VEGFD: variants seen among roughly 807,000 people sequenced by gnomAD.
VEGFD encodes vascular endothelial growth factor D, also known as c-fos induced growth factor (vascular endothelial growth factor D).
Under a neutral mutation model 28.0 loss-of-function variants are expected in VEGFD, and 26 were observed. The observed-to-expected ratio is 0.93, with a 90% CI of 0.68 to 1.29. The LOEUF is 1.29. Among genes scored for constraint, VEGFD ranks in the 50% most tolerant of loss-of-function variants. The probability of loss-of-function intolerance (pLI) is 0.00; values close to 1 mark genes in which losing one functional copy is unlikely to be tolerated. For missense variants in VEGFD, 294 were observed against 273.4 expected, an observed-to-expected ratio of 1.08 and a Z score of -0.53; for synonymous variants, 93 against 95.5, an observed-to-expected ratio of 0.97 and a Z score of 0.15.
chrX:15,366,138 C>T (rs1923140367), intron 1 of VEGFD, among the ~76,000 whole-genome samples: 1 of 110,996 alleles, frequency 9.0e-6, no homozygotes, highest in Admixed American at 9.5e-5. Flanking sequence ...TCCTGAGTAG[C>T]TGGGACTACA....
chrX:15,369,242 C>T (rs1422901572), intron 1 of VEGFD, among the ~76,000 whole-genome samples: 2 of 111,184 alleles, frequency 1.8e-5, no homozygotes, highest in Non-Finnish European at 3.8e-5. Flanking sequence ...CTACCAATTT[C>T]ATCTCTCAAT....
chrX:15,373,116 A>T (rs1923352012), intron 1 of VEGFD, among the ~76,000 whole-genome samples: 1 of 112,322 alleles, frequency 8.9e-6, no homozygotes. Flanking sequence ...TCAACAAAAA[A>T]GTACAAATTA....
At chrX:15,372,057 G>A (rs982455928) in intron 1 of VEGFD, among the ~76,000 whole-genome samples, 1 of 111,824 alleles carries the variant, frequency 8.9e-6, no homozygotes, top group African/African-American at 3.2e-5. Context: ...GAAATTGTGA[G>A]ATTGATGCTT....
At chrX:15,372,397 A>G (rs1479745879) in intron 1 of VEGFD, among the ~76,000 whole-genome samples, 1 of 111,065 alleles carries the variant, frequency 9.0e-6, no homozygotes, top group African/African-American at 3.3e-5. Context: ...CAATACATGT[A>G]TAACTTGTAG....
chrX:15,381,884 T>A (rs994231027), intron 1 of VEGFD, among the ~76,000 whole-genome samples: 43 of 113,867 alleles, frequency 3.8e-4, no homozygotes, highest in Non-Finnish European at 6.9e-4. Context: ...TGAAAAAAAA[T>A]TGCTAATCGT....
At chrX:15,372,525 C>A (rs982913084) in intron 1 of VEGFD, among the ~76,000 whole-genome samples, 1 of 111,045 alleles carries the variant, frequency 9.0e-6, no homozygotes, top group Non-Finnish European at 1.9e-5. Flanking sequence ...AATACTGATG[C>A]TCGAATCTTA....
chrX:15,373,879 C>G (rs1222411272), intron 1 of VEGFD, among the ~76,000 whole-genome samples: 1 of 111,241 alleles, frequency 9.0e-6, no homozygotes, highest in Non-Finnish European at 1.9e-5. Flanking sequence ...TTTTGGGGTC[C>G]AAGTAGCAAT....
chrX:15,365,861 A>G (rs1719394189), intron 1 of VEGFD, among the ~76,000 whole-genome samples: 1 of 110,287 alleles, frequency 9.1e-6, no homozygotes, highest in African/African-American at 3.3e-5. Flanking sequence ...CCAATCACCA[A>G]CTCTCCAATT....
At chrX:15,366,782 T>C (rs1434976615) in intron 1 of VEGFD, among the ~76,000 whole-genome samples, 1 of 112,271 alleles carries the variant, frequency 8.9e-6, no homozygotes, top group African/African-American at 3.2e-5. Flanking sequence ...AAAGAGCCGA[T>C]TTCCAACTGA....
intron 1 of VEGFD, among the ~76,000 whole-genome samples, chrX:15,369,007 T>G (rs1210936110): frequency 1.8e-5 from 2 of 112,092 alleles, no homozygotes; most frequent in African/African-American, 6.5e-5. Flanking sequence ...CTCCTTTCTG[T>G]GGTACAATTT....
intron 2 of VEGFD, among the ~76,000 whole-genome samples, chrX:15,359,374 T>A (rs770030399): frequency 9.7e-6 from 1 of 103,095 alleles, no homozygotes; most frequent in East Asian, 3.0e-4. Context: ...TTTTTTTTTT[T>A]TTTTTTTTTT....
intron 2 of VEGFD, 76 bp from the exon 3 acceptor site, chrX:15,358,269 C>G: frequency 2.3e-6 from 2 of 863,495 alleles, no homozygotes; most frequent in Non-Finnish European, 3.2e-6. Flanking sequence ...CAGGGTTATG[C>G]TGAACACAGT....
intron 1 of VEGFD, among the ~76,000 whole-genome samples, chrX:15,370,573 G>A (rs972608621): frequency 9.9e-5 from 11 of 111,606 alleles, no homozygotes; most frequent in African/African-American, 2.3e-4. Context: ...TAATAAGCAC[G>A]TAATACATAT....
At chrX:15,348,663 C>T (rs1457435944) in intron 5 of VEGFD, among the ~76,000 whole-genome samples, 1 of 112,535 alleles carries the variant, frequency 8.9e-6, no homozygotes, top group African/African-American at 3.2e-5. Flanking sequence ...TCCCTTTTCC[C>T]TGACATCTTT....
In VEGFD at chrX:15,353,058, C is replaced by G. The variant is rs1922771355; in HGVS notation, c.742+10G>C. 1 of 1,082,173 alleles carries G rather than the reference C, an allele frequency of 9.2e-7. No homozygotes were observed. Among genetic ancestry groups the G allele is most frequent in the African/African-American group, 1.8e-5 (1 of 54,432 alleles). 89.2% of individuals were successfully genotyped at this position (1,082,173 alleles called of 1,213,427 possible). On this transcript the variant is annotated intron_variant, in intron 5 of 6. Transcript: ENST00000297904. Reference sequence around the variant, plus strand: ...TATTACTGTTATTATTTTACTACTACTATCATTACCTTCTGTTCCAGCAAG... The same window carrying G: ...TATTACTGTTATTATTTTACTACTAGTATCATTACCTTCTGTTCCAGCAAG...
chrX:15,373,529 G>A (rs917826304), intron 1 of VEGFD, among the ~76,000 whole-genome samples: 1 of 111,816 alleles, frequency 8.9e-6, no homozygotes, highest in Admixed American at 9.5e-5. Context: ...GTGATAAAAC[G>A]GTGTGATGAA....
chrX:15,382,288 C>T (rs1056739697), intron 1 of VEGFD, among the ~76,000 whole-genome samples: 15 of 105,535 alleles, frequency 1.4e-4, no homozygotes, highest in Non-Finnish European at 9.7e-5. Flanking sequence ...TCACTACACT[C>T]CAGCCTGGGT....
At chrX:15,349,258 G>T (rs1482919333) in intron 5 of VEGFD, among the ~76,000 whole-genome samples, 1 of 112,630 alleles carries the variant, frequency 8.9e-6, no homozygotes, top group Non-Finnish European at 1.9e-5. Context: ...ACTTCAGACA[G>T]GCCCAAGGCC....
intron 1 of VEGFD, among the ~76,000 whole-genome samples, chrX:15,363,716 C>T (rs1235860686): frequency 8.9e-6 from 1 of 111,929 alleles, no homozygotes; most frequent in East Asian, 2.8e-4. Context: ...TCTATGTGGA[C>T]CCTAAATACT....
Sources: gnomAD v4.1 joint callset for allele counts (sites outside exome capture counted in the v4.1 genomes callset) on GRCh38, gnomAD v4.1.1 for gene constraint, MANE v1.5 for transcripts, NCBI Gene and HGNC (gene_info 2026-07-23, HGNC 2026-07-21) for gene names.